The following NXPH1 variants were observed in gnomAD, a reference collection of about 807,000 sequenced individuals.
The protein encoded by NXPH1 is neurexophilin 1.
A neutral mutation model predicts 23.7 loss-of-function variants in NXPH1; 5 were observed. The observed-to-expected ratio is 0.21, with a 90% CI of 0.11 to 0.44. The LOEUF (loss-of-function observed/expected upper bound fraction) is 0.44. Among genes scored for constraint, NXPH1 ranks in the 20% least tolerant of loss-of-function variants. The pLI, the probability that NXPH1 is intolerant of heterozygous loss-of-function variation, is 0.99. For missense variants in NXPH1, 324 were observed against 321.6 expected, an observed-to-expected ratio of 1.01 and a Z score of -0.06; for synonymous variants, 144 against 122.2, an observed-to-expected ratio of 1.18 and a Z score of -1.18.
intron 2 of NXPH1, among the ~76,000 whole-genome samples, chr7:8,461,705 C>T (rs1816698197): frequency 6.6e-6 from 1 of 150,592 alleles, no homozygotes; most frequent in African/African-American, 2.5e-5. Flanking sequence ...TGGCGGGCGC[C>T]TGTAGTCCCA....
intron 2 of NXPH1, among the ~76,000 whole-genome samples, chr7:8,478,527 A>G (rs1817015055): frequency 6.6e-6 from 1 of 152,116 alleles, no homozygotes; most frequent in South Asian, 2.1e-4. Context: ...GTAAAGAAAG[A>G]TCCAACATAA....
chr7:8,436,227 A>G (rs543105519), intron 2 of NXPH1, among the ~76,000 whole-genome samples: 2 of 152,314 alleles, frequency 1.3e-5, no homozygotes, highest in African/African-American at 4.8e-5. Context: ...TGGAGATGAG[A>G]CACATAAAGA....
chr7:8,497,714 A>AT (rs1164786916), intron 2 of NXPH1, among the ~76,000 whole-genome samples: 3 of 151,578 alleles, frequency 2.0e-5, no homozygotes, highest in Non-Finnish European at 4.4e-5. Context: ...GGGTTGTTTG[A>AT]TTTTTTTCTT....
intron 2 of NXPH1, among the ~76,000 whole-genome samples, chr7:8,595,680 C>A (rs903082405): frequency 6.6e-6 from 1 of 151,878 alleles, no homozygotes; most frequent in Non-Finnish European, 1.5e-5. Flanking sequence ...CAAGAGTATA[C>A]TGACTATATT....
At chr7:8,456,627 AC>A (rs1816600046) in intron 2 of NXPH1, among the ~76,000 whole-genome samples, 1 of 151,806 alleles carries the variant, frequency 6.6e-6, no homozygotes, top group Admixed American at 6.6e-5. Context: ...TGAAAACGTA[AC>A]TTTTTTTTTG....
intron 2 of NXPH1, among the ~76,000 whole-genome samples, chr7:8,570,541 A>T (rs1199508791): frequency 6.6e-6 from 1 of 152,044 alleles, no homozygotes; most frequent in African/African-American, 2.4e-5. Context: ...AAGGCACCCA[A>T]TTGTGGGAAG....
chr7:8,616,664 G>A (rs917610779), intron 2 of NXPH1, among the ~76,000 whole-genome samples: 1 of 151,950 alleles, frequency 6.6e-6, no homozygotes, highest in African/African-American at 2.4e-5. Context: ...TGGCAGCCAG[G>A]GGGGACTGAG....
intron 2 of NXPH1, among the ~76,000 whole-genome samples, chr7:8,671,041 C>T (rs1372905195): frequency 6.6e-6 from 1 of 152,130 alleles, no homozygotes; most frequent in Admixed American, 6.5e-5. Flanking sequence ...GGTCTGTGGA[C>T]AGTTAAGACA....
chr7:8,616,540 A>AC (rs2094715125), intron 2 of NXPH1, among the ~76,000 whole-genome samples: 1 of 152,094 alleles, frequency 6.6e-6, no homozygotes, highest in Non-Finnish European at 1.5e-5. Context: ...CCTTGAAGGT[A>AC]CTAGGAACTC....
Position 8,649,139 on chromosome 7 carries a change from G to A in NXPH1, c.55-101869G>A, listed in dbSNP as rs116416742. ...CCTTTATATACATCTCTTTAAATCA[G>A]CCCTAAGCTGAGTTTACAAAAAGAT... On this transcript the variant is annotated intron_variant, in intron 2 of 2. Coordinates refer to ENST00000405863, the MANE Select transcript of NXPH1 (RefSeq NM_152745.3). Among the ~76,000 whole-genome samples the A allele has an allele frequency of 5.4e-3, 815 of 151,498 alleles. 7 individuals carry two copies. The highest frequency in any genetic ancestry group is 0.019 in the African/African-American group (768 of 41,290).
In NXPH1 at chr7:8,547,528, C is replaced by T. The variant is rs192587477; in HGVS notation, c.54+111761C>T. Among the ~76,000 whole-genome samples the T allele has an allele frequency of 1.4e-3, 219 of 151,442 alleles. 1 individual carries two copies. Among genetic ancestry groups the T allele is most frequent in the Non-Finnish European group, 2.4e-3 (159 of 67,566 alleles). The stretch of plus-strand genomic sequence containing the variant: ...TCAGGTGGTACAGGTGGTACAGGTA[C>T]AGGTTTGTTTCATGGGTATATTGCA... On this transcript the variant is annotated intron_variant, in intron 2 of 2. Transcript: ENST00000405863.
At chr7:8,639,410 C>T (rs1293149427) in intron 2 of NXPH1, among the ~76,000 whole-genome samples, 3 of 152,044 alleles carry the variant, frequency 2.0e-5, no homozygotes, top group Non-Finnish European at 4.4e-5. Flanking sequence ...ATAGATACAG[C>T]CACATTGTCC....
chr7:8,749,420 G>T (rs1780528185), intron 2 of NXPH1, among the ~76,000 whole-genome samples: 1 of 152,104 alleles, frequency 6.6e-6, no homozygotes, highest in South Asian at 2.1e-4. Context: ...TGCTCTCCAG[G>T]GATTGAGAGC....
intron 2 of NXPH1, among the ~76,000 whole-genome samples, chr7:8,546,714 C>A (rs749427317): frequency 2.6e-5 from 4 of 151,436 alleles, no homozygotes; most frequent in Non-Finnish European, 4.4e-5. Flanking sequence ...CCAGTGACCC[C>A]TCTTCCCTGC....
At chr7:8,727,517 A>C (rs1780076957) in intron 2 of NXPH1, among the ~76,000 whole-genome samples, 1 of 151,258 alleles carries the variant, frequency 6.6e-6, no homozygotes, top group Admixed American at 6.6e-5. Context: ...TTTTTGTATA[A>C]GGTGTAAGGA....
At chr7:8,619,693 G>A (rs193223873) in intron 2 of NXPH1, among the ~76,000 whole-genome samples, 12 of 152,180 alleles carry the variant, frequency 7.9e-5, no homozygotes, top group East Asian at 5.8e-4. Flanking sequence ...ATTCTCCAGC[G>A]TATTTTTTAA....
chr7:8,605,174 A>G (rs1159641645), intron 2 of NXPH1, among the ~76,000 whole-genome samples: 2 of 152,146 alleles, frequency 1.3e-5, no homozygotes, highest in Admixed American at 1.3e-4. Context: ...GATGTGTGGA[A>G]AATGAAAGGT....
Position 8,597,446 on chromosome 7 carries a change from G to A in NXPH1, c.55-153562G>A, listed in dbSNP as rs150703056. ...GGAATACAAGAGTAAAAGCAGGCTTGGGGAAGATAGTGAGTTTGAATAAAG... is the reference window on the plus strand; with the variant it reads ...GGAATACAAGAGTAAAAGCAGGCTTAGGGAAGATAGTGAGTTTGAATAAAG... On this transcript the variant is annotated intron_variant, in intron 2 of 2. Coordinates refer to ENST00000405863, the MANE Select transcript of NXPH1 (RefSeq NM_152745.3). Among the ~76,000 whole-genome samples, 886 of 152,144 alleles carry A rather than the reference G, an allele frequency of 5.8e-3. 17 individuals carry two copies. Among genetic ancestry groups the A allele is most frequent in the South Asian group, 0.054 (259 of 4,806 alleles).
chr7:8,499,246 T>C (rs1354124955), intron 2 of NXPH1, among the ~76,000 whole-genome samples: 1 of 152,078 alleles, frequency 6.6e-6, no homozygotes, highest in African/African-American at 2.4e-5. Flanking sequence ...ACAGTTTGTT[T>C]GAGCATAAGA....
Sources: allele counts gnomAD v4.1 joint callset (sites outside exome capture counted in the v4.1 genomes callset), GRCh38; gene constraint gnomAD v4.1.1; transcripts MANE v1.5; gene names NCBI Gene and HGNC (gene_info 2026-07-23, HGNC 2026-07-21).